The following ADGRB3 variants were observed in gnomAD, a reference collection of about 807,000 sequenced individuals.
ADGRB3 encodes brain-specific angiogenesis inhibitor 3.
In ADGRB3, 37 loss-of-function variants were observed where a neutral mutation model predicts 193.4. The observed-to-expected ratio is 0.19, with a 90% CI of 0.15 to 0.25. The LOEUF (loss-of-function observed/expected upper bound fraction) is 0.25, where lower values mean the gene tolerates loss of function less well. ADGRB3 is among the 10% of genes least tolerant of loss of function. The probability of loss-of-function intolerance (pLI) is 1.00; values close to 1 mark genes in which losing one functional copy is unlikely to be tolerated. For synonymous variants in ADGRB3, 690 were observed against 644.2 expected, an observed-to-expected ratio of 1.07 and a Z score of -1.08; for missense variants, 1,637 against 1,852.9, an observed-to-expected ratio of 0.88 and a Z score of 2.14.
At chr6:68,933,514 A>G (rs747452834) in intron 4 of ADGRB3, among the ~76,000 whole-genome samples, 2 of 152,192 alleles carry the variant, frequency 1.3e-5, no homozygotes, top group Non-Finnish European at 2.9e-5. Context: ...AATCTCTTGA[A>G]TCAAGGAGGC....
intron 15 of ADGRB3, among the ~76,000 whole-genome samples, chr6:69,054,012 G>A (rs898507079): frequency 1.3e-5 from 2 of 152,080 alleles, no homozygotes; most frequent in Non-Finnish European, 2.9e-5. Context: ...GCAGTATGTC[G>A]TTATCCTGTT....
At chr6:68,868,194 T>C (rs774351866) in intron 3 of ADGRB3, among the ~76,000 whole-genome samples, 1 of 152,278 alleles carries the variant, frequency 6.6e-6, no homozygotes, top group Non-Finnish European at 1.5e-5. Context: ...GACTGGATCA[T>C]GGGGGAGGTT....
intron 17 of ADGRB3, among the ~76,000 whole-genome samples, chr6:69,185,904 C>CT (rs539528424): frequency 1.3e-5 from 2 of 151,882 alleles, no homozygotes; most frequent in Non-Finnish European, 2.9e-5. Context: ...TGTATTAAGT[C>CT]TTTTTTTAGT....
intron 17 of ADGRB3, among the ~76,000 whole-genome samples, chr6:69,141,119 C>CTTT (rs1391159036): frequency 1.7e-5 from 2 of 116,778 alleles, no homozygotes; most frequent in East Asian, 2.8e-4. Context: ...ATATTTCTTT[C>CTTT]TTTTTTTTTG....
chr6:69,044,773 A>T (rs1771191531), intron 13 of ADGRB3, among the ~76,000 whole-genome samples: 1 of 152,252 alleles, frequency 6.6e-6, no homozygotes, highest in Non-Finnish European at 1.5e-5. Context: ...AACACGATAC[A>T]GTGAATTTAG....
chr6:69,100,912 GGGAA>G (rs1252267457), intron 17 of ADGRB3, among the ~76,000 whole-genome samples: 32 of 46,228 alleles, frequency 6.9e-4, no homozygotes, highest in African/African-American at 2.0e-3. Context: ...AAGCGAGGGA[GGGAA>G]GGAAGGAAGG....
intron 30 of ADGRB3, among the ~76,000 whole-genome samples, chr6:69,381,819 A>G (rs2127238150): frequency 6.6e-6 from 1 of 152,084 alleles, no homozygotes; most frequent in Non-Finnish European, 1.5e-5. Flanking sequence ...CACAGGCACA[A>G]ATGGTAAGTT....
At chr6:69,172,506 T>C (rs1775297857) in intron 17 of ADGRB3, among the ~76,000 whole-genome samples, 1 of 150,362 alleles carries the variant, frequency 6.7e-6, no homozygotes, top group Non-Finnish European at 1.5e-5. Context: ...TAGCCAGGCA[T>C]GGTGGCGGGT....
chr6:68,845,554 G>C (rs1316871783), intron 3 of ADGRB3, among the ~76,000 whole-genome samples: 1 of 152,190 alleles, frequency 6.6e-6, no homozygotes, highest in East Asian at 1.9e-4. Flanking sequence ...GACCTAGGGG[G>C]AAGTAATTGA....
chr6:69,277,258 G>T (rs2127282714), intron 20 of ADGRB3, among the ~76,000 whole-genome samples: 1 of 152,164 alleles, frequency 6.6e-6, no homozygotes, highest in Non-Finnish European at 1.5e-5. Context: ...CTCCCAAAGT[G>T]CTGGGATTAC....
At chr6:69,213,620 G>A (rs946967905) in intron 17 of ADGRB3, among the ~76,000 whole-genome samples, 3 of 152,076 alleles carry the variant, frequency 2.0e-5, no homozygotes, top group Admixed American at 1.3e-4. Context: ...AGTACAGACA[G>A]TACAACATGC....
intron 3 of ADGRB3, among the ~76,000 whole-genome samples, chr6:68,871,148 G>T (rs114206723): frequency 6.6e-6 from 1 of 152,112 alleles, no homozygotes; most frequent in Non-Finnish European, 1.5e-5. Context: ...GATAAAAAAA[G>T]AATTGTTTTA....
chr6:69,383,500 T>G (rs2127239882), intron 31 of ADGRB3, among the ~76,000 whole-genome samples: 1 of 152,114 alleles, frequency 6.6e-6, no homozygotes, highest in Admixed American at 6.6e-5. Flanking sequence ...AAAATAACTT[T>G]GTACAATTAC....
At chr6:69,231,185 G>C (rs1766126912) in intron 17 of ADGRB3, among the ~76,000 whole-genome samples, 2 of 152,156 alleles carry the variant, frequency 1.3e-5, no homozygotes, top group Admixed American at 1.3e-4. Context: ...ATGATCTTCA[G>C]AATCTAGCAA....
rs960642122 is a variant in ADGRB3, at chr6:69,242,692, G to A, written c.2814+3466G>A. ...TATTCAATTACTGGCAACAAAGTAA[G>A]GAACCAAGTGCATTTTATTATATCT... On this transcript the variant is annotated intron_variant, in intron 20 of 31. Coordinates refer to ENST00000370598, the MANE Select transcript of ADGRB3 (RefSeq NM_001704.3). Among the ~76,000 whole-genome samples, 5 of 151,962 alleles carry A rather than the reference G, an allele frequency of 3.3e-5. No individual in the cohort carries two copies. In the East Asian group the frequency reaches 9.7e-4, roughly 29 times the overall value.
chr6:69,004,129 A>G (rs767514556), intron 11 of ADGRB3, among the ~76,000 whole-genome samples: 14 of 152,160 alleles, frequency 9.2e-5, no homozygotes, highest in Non-Finnish European at 2.1e-4. Flanking sequence ...CAAATATTCT[A>G]CTGTTTTAAA....
chr6:68,648,484 G>A (rs1427071508), intron 3 of ADGRB3, among the ~76,000 whole-genome samples: 2 of 131,082 alleles, frequency 1.5e-5, no homozygotes, highest in Non-Finnish European at 3.2e-5. Context: ...TTTTTTTTTC[G>A]AAAGAGAGCA....
chr6:69,017,020 G>A (rs1582396483), intron 12 of ADGRB3, among the ~76,000 whole-genome samples: 2 of 151,964 alleles, frequency 1.3e-5, no homozygotes, highest in Middle Eastern at 6.8e-3. Context: ...GGGATGATGG[G>A]CTTTCGAAAT....
chr6:68,831,076 C>A (rs1203847742), intron 3 of ADGRB3, among the ~76,000 whole-genome samples: 1 of 151,196 alleles, frequency 6.6e-6, no homozygotes, highest in African/African-American at 2.4e-5. Context: ...GAAATACAGA[C>A]AAAGTGGGAA....
Sources: gnomAD v4.1 joint callset for allele counts (sites outside exome capture counted in the v4.1 genomes callset) on GRCh38, gnomAD v4.1.1 for gene constraint, MANE v1.5 for transcripts, NCBI Gene and HGNC (gene_info 2026-07-23, HGNC 2026-07-21) for gene names.